Variants in HECW2 observed in about 807,000 individuals in gnomAD.
HECW2 encodes the protein HECT, C2 and WW domain containing E3 ubiquitin protein ligase 2.
A neutral mutation model predicts 175.2 loss-of-function variants in HECW2; 61 were observed. The ratio of observed to expected loss-of-function variants is 0.35; its 90% CI spans 0.28 to 0.43. The LOEUF is 0.43. HECW2 is among the 20% of genes least tolerant of loss of function. The pLI is 1.00. For synonymous variants in HECW2, 671 were observed against 731.0 expected (o/e 0.92, Z 1.32); for missense variants, 1,524 against 2,000.5 (o/e 0.76, Z 4.54).
At chr2:196,358,786 T>G (rs905458423) in intron 2 of HECW2, among the ~76,000 whole-genome samples, 2 of 152,184 alleles carry the variant, frequency 1.3e-5, no homozygotes, top group Non-Finnish European at 2.9e-5. Flanking sequence ...TTATGTTTCT[T>G]GAAACTCTGC....
chr2:196,452,970 A>C (rs1172907406), intron 1 of HECW2, among the ~76,000 whole-genome samples: 1 of 152,180 alleles, frequency 6.6e-6, no homozygotes, highest in African/African-American at 2.4e-5. Context: ...GTGAGACTCC[A>C]TGATGAAATT....
intron 27 of HECW2, 30 bp downstream of exon 27, chr2:196,216,978 C>T: frequency 7.4e-7 from 1 of 1,346,130 alleles, no homozygotes; most frequent in Middle Eastern, 1.9e-4. Context: ...CATATTGATA[C>T]ATTTAAAAGA....
At chr2:196,440,082 G>A (rs1190217421) in intron 1 of HECW2, among the ~76,000 whole-genome samples, 1 of 152,080 alleles carries the variant, frequency 6.6e-6, no homozygotes, top group Non-Finnish European at 1.5e-5. Context: ...AATTATTTCA[G>A]GTGAGATGGA....
At chr2:196,474,449 G>A (rs1238539809) in intron 1 of HECW2, among the ~76,000 whole-genome samples, 2 of 152,144 alleles carry the variant, frequency 1.3e-5, no homozygotes, top group African/African-American at 4.8e-5. Flanking sequence ...TATTTATTAG[G>A]ATAGTGTGCA....
At chr2:196,289,592 A>C (rs2106021613) in intron 14 of HECW2, 1 of 152,276 alleles carries the variant, frequency 6.6e-6, no homozygotes, top group Non-Finnish European at 1.5e-5. Context: ...GGTAGGAGGA[A>C]CCAGCCCAGG....
In HECW2 at chr2:196,295,476, T is replaced by G. The variant is rs145076734; in HGVS notation, c.2815-2726A>C. Among the ~76,000 whole-genome samples the G allele has an allele frequency of 5.6e-3, 859 of 152,322 alleles. 3 individuals carry two copies. Among genetic ancestry groups the G allele is most frequent in the Middle Eastern group, 0.037 (11 of 294 alleles). On this transcript the variant is annotated intron_variant, in intron 13 of 28. Coordinates refer to ENST00000644978, the MANE Select transcript of HECW2 (RefSeq NM_001348768.2). ...ACACTAGTTTGTGTAGGGATCATAA[T>G]GAGCTTTCAGGTCTTACTACCTAAG...
chr2:196,389,927 G>C (rs914920333), intron 2 of HECW2, among the ~76,000 whole-genome samples: 2 of 151,964 alleles, frequency 1.3e-5, no homozygotes, highest in African/African-American at 4.8e-5. Flanking sequence ...CACTACAAAG[G>C]ACTACACCAC....
In HECW2 at chr2:196,225,068, C is replaced by T. The variant is rs183421940; in HGVS notation, c.4016+704G>A. ...AAGTGATAATTCAGTGCATTCTCAT[C>T]GCAAATTTGAGCTACTATCCCACAG... On this transcript the variant is annotated intron_variant, in intron 23 of 28. Coordinates refer to ENST00000644978, the MANE Select transcript of HECW2 (RefSeq NM_001348768.2). 5.4e-4 allele frequency among the ~76,000 whole-genome samples: 82 copies of T among 152,310 alleles called. 2 individuals carry two copies. The highest frequency in any genetic ancestry group is 4.0e-3 in the Admixed American group (61 of 15,298).
chr2:196,455,319 A>G (rs79553537), intron 1 of HECW2, among the ~76,000 whole-genome samples: 1,645 of 152,344 alleles, frequency 0.011, 33 homozygotes, highest in African/African-American at 0.037. Context: ...GGCGTAGGCC[A>G]CAATGCCCGG....
chr2:196,240,925 T>A (rs75461342), intron 20 of HECW2, among the ~76,000 whole-genome samples: 3,380 of 152,054 alleles, frequency 0.022, 131 homozygotes, highest in African/African-American at 0.077. Context: ...CAAGAACAAC[T>A]CTATGAGGCA....
At chr2:196,221,662 T>C (rs1687675733) in intron 24 of HECW2, among the ~76,000 whole-genome samples, 2 of 152,096 alleles carry the variant, frequency 1.3e-5, no homozygotes, top group South Asian at 4.1e-4. Flanking sequence ...CCAGCTCAGG[T>C]GACCCTCCCA....
At chr2:196,226,758 C>T (rs565682908) in intron 22 of HECW2, among the ~76,000 whole-genome samples, 1 of 152,308 alleles carries the variant, frequency 6.6e-6, no homozygotes, top group African/African-American at 2.4e-5. Context: ...AAGAAAGTTC[C>T]TATCCCTATT....
At chr2:196,205,847 G>A (rs1687048300) in intron 28 of HECW2, among the ~76,000 whole-genome samples, 1 of 152,118 alleles carries the variant, frequency 6.6e-6, no homozygotes, top group South Asian at 2.1e-4. Context: ...ACCTACATTG[G>A]CTATTTGCAC....
chr2:196,467,980 G>A (rs933095598), intron 1 of HECW2, among the ~76,000 whole-genome samples: 6 of 152,148 alleles, frequency 3.9e-5, no homozygotes, highest in African/African-American at 1.4e-4. Context: ...CAAATAGCCA[G>A]TAGCCGGTAA....
intron 8 of HECW2, 120 bp from the exon 9 acceptor site, chr2:196,320,024 T>C: frequency 9.7e-7 from 1 of 1,036,158 alleles, no homozygotes; most frequent in South Asian, 1.7e-5. Flanking sequence ...GGCTTTCTAC[T>C]GACTTGCTAA....
intron 15 of HECW2, 99 bp downstream of exon 15, chr2:196,278,429 A>T: frequency 7.3e-7 from 1 of 1,373,946 alleles, no homozygotes; most frequent in Non-Finnish European, 9.9e-7. Context: ...AAAAAAAAAA[A>T]GAAAAAATGC....
At chr2:196,224,896 A>G (rs1575249458) in intron 23 of HECW2, among the ~76,000 whole-genome samples, 1 of 152,224 alleles carries the variant, frequency 6.6e-6, no homozygotes, top group East Asian at 1.9e-4. Context: ...CTGTGAAGAC[A>G]CTGAAAGAGA....
chr2:196,474,865 C>T (rs1465160519), intron 1 of HECW2, among the ~76,000 whole-genome samples: 1 of 152,210 alleles, frequency 6.6e-6, no homozygotes, highest in Non-Finnish European at 1.5e-5. Flanking sequence ...ATCACTCTAA[C>T]ATCTAGACTC....
chr2:196,458,591 G>C (rs1696611040), intron 1 of HECW2, among the ~76,000 whole-genome samples: 1 of 152,184 alleles, frequency 6.6e-6, no homozygotes, highest in Non-Finnish European at 1.5e-5. Flanking sequence ...GTGTAGGCTG[G>C]GCGTGGTGGC....
Sources: allele counts gnomAD v4.1 joint callset (sites outside exome capture counted in the v4.1 genomes callset), GRCh38; gene constraint gnomAD v4.1.1; transcripts MANE v1.5; gene names NCBI Gene and HGNC (gene_info 2026-07-23, HGNC 2026-07-21).